Variants in UNC5B observed in about 807,000 individuals in gnomAD.
UNC5B encodes the protein netrin receptor UNC5B.
Under a neutral mutation model 103.7 loss-of-function variants are expected in UNC5B, and 56 were observed. That is an observed-to-expected ratio of 0.54 (90% CI 0.44 to 0.67). UNC5B has a LOEUF of 0.67. UNC5B is among the 30% of genes least tolerant of loss of function. UNC5B has a pLI of 0.00. For synonymous variants in UNC5B, 577 were observed against 542.0 expected, an observed-to-expected ratio of 1.06 and a Z score of -0.90; for missense variants, 1,194 against 1,284.5, an observed-to-expected ratio of 0.93 and a Z score of 1.08.
At chr10:71,226,477 A>G (rs554746550) in intron 1 of UNC5B, among the ~76,000 whole-genome samples, 2 of 152,294 alleles carry the variant, frequency 1.3e-5, no homozygotes, top group Non-Finnish European at 1.5e-5. Context: ...TGTCTCCTTC[A>G]TTTGCTGGCT....
chr10:71,259,448 T>C (rs1293143623), intron 1 of UNC5B, among the ~76,000 whole-genome samples: 1 of 151,652 alleles, frequency 6.6e-6, no homozygotes, highest in Non-Finnish European at 1.5e-5. Context: ...TGGGCAGCCC[T>C]TCATAGTTTA....
chr10:71,238,298 G>T (rs1453950791), intron 1 of UNC5B, among the ~76,000 whole-genome samples: 1 of 151,954 alleles, frequency 6.6e-6, no homozygotes, highest in Non-Finnish European at 1.5e-5. Flanking sequence ...TCCCCACAAC[G>T]CCCACCCTGC....
At chr10:71,223,776 T>TTTTTTTTTTTTTTTTTTTTTTGAGACGGA in intron 1 of UNC5B, among the ~76,000 whole-genome samples, 1 of 152,296 alleles carries the variant, frequency 6.6e-6, no homozygotes, top group Non-Finnish European at 1.5e-5. Context: ...CTTGCCTTCT[T>TTTTTTTTTTTTTTTTTTTTTTGAGACGGA]GTGGCTCAAG....
intron 14 of UNC5B, 31 bp downstream of exon 14, chr10:71,295,991 C>T (rs1845401919): frequency 2.5e-6 from 4 of 1,611,986 alleles, no homozygotes; most frequent in Non-Finnish European, 3.4e-6. Context: ...TGGGGAGGGG[C>T]ACCACTTAAG....
rs200994075 is a variant in UNC5B at position 71,288,649 on chromosome 10, C to T, written c.983C>T (p.Ala328Val). The change falls in exon 7 of 17, where the codon GCG (alanine) becomes GTG (valine). Residue 328 changes from alanine to valine, a missense_variant. Physicochemically the swap from Ala to Val is moderately conservative, Grantham distance 64 (BLOSUM62 0). Transcript: ENST00000335350. ...CACTGGCGTAGCCGCGAGTGCATGGCGCCCCCACCCCAGAACGGAGGCCGT... is the reference window on the plus strand; with the variant it reads ...CACTGGCGTAGCCGCGAGTGCATGGTGCCCCCACCCCAGAACGGAGGCCGT... The part of the protein sequence containing the change: ...CAHWRSRECM[A>V]PPPQNGGRDC... 23 of 1,613,818 alleles carry T rather than the reference C, an allele frequency of 1.4e-5. No homozygotes were observed. The East Asian group carries it at 2.2e-4, about 16-fold the overall frequency.
intron 1 of UNC5B, among the ~76,000 whole-genome samples, chr10:71,232,069 C>A (rs148192132): frequency 7.2e-4 from 110 of 152,308 alleles, no homozygotes; most frequent in African/African-American, 2.5e-3. Flanking sequence ...CCTTGTTGAA[C>A]CCTCCTGCAA....
intron 1 of UNC5B, among the ~76,000 whole-genome samples, chr10:71,257,462 G>T (rs1291441463): frequency 6.6e-6 from 1 of 152,226 alleles, no homozygotes; most frequent in Non-Finnish European, 1.5e-5. Flanking sequence ...AGTCACATAG[G>T]TTGCTAGTGC....
At chr10:71,224,302 C>T (rs1030981998) in intron 1 of UNC5B, among the ~76,000 whole-genome samples, 6 of 148,734 alleles carry the variant, frequency 4.0e-5, no homozygotes, top group Non-Finnish European at 5.9e-5. Flanking sequence ...GCACAGTGAC[C>T]CCTGCTGCAA....
chr10:71,270,389 AG>A (rs1411346878), intron 1 of UNC5B, among the ~76,000 whole-genome samples: 5 of 28,788 alleles, frequency 1.7e-4, no homozygotes, highest in Non-Finnish European at 2.8e-4. Flanking sequence ...GCAGGGAGGG[AG>A]GGAGGGAAGA....
intron 4 of UNC5B, 21 bp downstream of exon 4, chr10:71,285,450 C>G: frequency 6.4e-7 from 1 of 1,560,224 alleles, no homozygotes; most frequent in Non-Finnish European, 8.7e-7. Context: ...ACGTAGGGAC[C>G]ACTGAGCACG....
chr10:71,284,438 C>T (rs922362537), intron 2 of UNC5B, among the ~76,000 whole-genome samples: 17 of 152,180 alleles, frequency 1.1e-4, no homozygotes, highest in Non-Finnish European at 1.5e-5. Flanking sequence ...TGAAGGGTCT[C>T]ATAACGGGGG....
intron 2 of UNC5B, among the ~76,000 whole-genome samples, chr10:71,280,492 T>C (rs1844896520): frequency 6.6e-6 from 1 of 152,208 alleles, no homozygotes; most frequent in Non-Finnish European, 1.5e-5. Context: ...TTTCCTGTGT[T>C]GAAATAAATT....
rs189712353 is a variant in UNC5B, at chr10:71,247,025, C to T, written c.80-32796C>T. 1.1e-3 allele frequency among the ~76,000 whole-genome samples: 167 copies of T among 152,344 alleles called. 1 individual carries two copies. In the Middle Eastern group the frequency reaches 0.02, roughly 19 times the overall value. ...GCCCCTGCTACCTGGAGAATGTCAG[C>T]GCCAGGAGCTTTCAGCCTCCAGCCT... On this transcript the variant is annotated intron_variant, in intron 1 of 16. Coordinates refer to ENST00000335350, the MANE Select transcript of UNC5B (RefSeq NM_170744.5).
chr10:71,280,693 G>T (rs1436104775), intron 2 of UNC5B, among the ~76,000 whole-genome samples: 1 of 152,200 alleles, frequency 6.6e-6, no homozygotes, highest in African/African-American at 2.4e-5. Context: ...CAGAGCCCTG[G>T]GGCTCCCCAC....
rs549942467 is a variant in UNC5B, at chr10:71,274,767, C to T, written c.80-5054C>T. ...GTGGGCTGGAGCATGGTTAGGCGAGCCCAACAGTGTTTCCTCCTCCTCCTT... is the reference window on the plus strand; with the variant it reads ...GTGGGCTGGAGCATGGTTAGGCGAGTCCAACAGTGTTTCCTCCTCCTCCTT... On this transcript the variant is annotated intron_variant, in intron 1 of 16. Transcript: ENST00000335350. Among the ~76,000 whole-genome samples, 14 of 152,218 alleles carry T rather than the reference C, an allele frequency of 9.2e-5. No homozygotes were observed. The South Asian group carries it at 2.9e-3, about 32-fold the overall frequency.
At chr10:71,239,063 G>A (rs1238427929) in intron 1 of UNC5B, among the ~76,000 whole-genome samples, 3 of 152,146 alleles carry the variant, frequency 2.0e-5, no homozygotes, top group Non-Finnish European at 4.4e-5. Context: ...TGGTGGAAGA[G>A]AGGGTGGGTT....
At chr10:71,293,103 G>A (rs558924082) in intron 11 of UNC5B, among the ~76,000 whole-genome samples, 1 of 152,208 alleles carries the variant, frequency 6.6e-6, no homozygotes, top group South Asian at 2.1e-4. Flanking sequence ...CAGCTCCCTG[G>A]AGGGCACTTT....
intron 1 of UNC5B, among the ~76,000 whole-genome samples, chr10:71,266,373 C>T (rs1440576793): frequency 2.6e-5 from 4 of 152,154 alleles, no homozygotes; most frequent in African/African-American, 4.8e-5. Context: ...AGCCCTCTCA[C>T]GGTGTCCTCA....
intron 2 of UNC5B, among the ~76,000 whole-genome samples, chr10:71,284,205 C>T (rs1456029002): frequency 6.6e-6 from 1 of 152,018 alleles, no homozygotes. Flanking sequence ...GAGGCTGATC[C>T]GAAATCTGGC....
Sources: allele counts gnomAD v4.1 joint callset (sites outside exome capture counted in the v4.1 genomes callset), GRCh38; gene constraint gnomAD v4.1.1; transcripts MANE v1.5; gene names NCBI Gene and HGNC (gene_info 2026-07-23, HGNC 2026-07-21).